The following MACROD2 variants were observed in gnomAD, a reference collection of about 807,000 sequenced individuals.
MACROD2 encodes the protein mono-ADP ribosylhydrolase 2.
MACROD2 carries 36 observed loss-of-function variants against 70.4 expected under a neutral mutation model. That is an observed-to-expected ratio of 0.51 (90% confidence interval 0.39 to 0.68). MACROD2 has a LOEUF of 0.68. Among genes scored for constraint, MACROD2 ranks in the 30% least tolerant of loss-of-function variants. MACROD2 has a pLI of 0.00. For missense variants in MACROD2, 496 were observed against 538.4 expected (o/e 0.92, Z 0.78); for synonymous variants, 172 against 178.8 (o/e 0.96, Z 0.30).
chr20:15,460,504 C>A (rs6043294), intron 7 of MACROD2, among the ~76,000 whole-genome samples: 14,876 of 152,142 alleles, frequency 0.098, 825 homozygotes, highest in Non-Finnish European at 0.13. Context: ...AACAGTGCTC[C>A]TTCCTCAGTG....
intron 4 of MACROD2, among the ~76,000 whole-genome samples, chr20:14,601,387 G>A (rs1043974471): frequency 3.9e-5 from 6 of 152,134 alleles, no homozygotes; most frequent in African/African-American, 1.4e-4. Context: ...GACAGGAGGC[G>A]GTGCTCAGGT....
intron 8 of MACROD2, among the ~76,000 whole-genome samples, chr20:15,641,130 G>C (rs1170997898): frequency 3.9e-5 from 6 of 152,216 alleles, no homozygotes; most frequent in African/African-American, 1.4e-4. Flanking sequence ...CTTGCAGAGG[G>C]CTCTTTCTTA....
chr20:15,603,289 A>G (rs1406945187), intron 8 of MACROD2, among the ~76,000 whole-genome samples: 2 of 152,062 alleles, frequency 1.3e-5, no homozygotes. Context: ...CTTTGAGGTC[A>G]GGAGTTCGAG....
chr20:15,970,102 A>G (rs2066207382), intron 13 of MACROD2, among the ~76,000 whole-genome samples: 4 of 152,130 alleles, frequency 2.6e-5, no homozygotes, highest in Admixed American at 2.6e-4. Flanking sequence ...ATAGCTGTGA[A>G]CCAAGAATTC....
chr20:15,137,596 T>C (rs2076159533), intron 5 of MACROD2, among the ~76,000 whole-genome samples: 1 of 147,548 alleles, frequency 6.8e-6, no homozygotes, highest in African/African-American at 2.5e-5. Context: ...CATTAGGAGA[T>C]ATACCTAATG....
intron 6 of MACROD2, among the ~76,000 whole-genome samples, chr20:15,302,643 A>T (rs764500754): frequency 2.0e-5 from 3 of 152,246 alleles, no homozygotes; most frequent in Non-Finnish European, 4.4e-5. Flanking sequence ...ATAAATCCCC[A>T]GTTGGGGGAT....
intron 8 of MACROD2, among the ~76,000 whole-genome samples, chr20:15,743,380 C>G (rs1327843790): frequency 6.6e-6 from 1 of 152,098 alleles, no homozygotes; most frequent in African/African-American, 2.4e-5. Context: ...GGAAGTGATA[C>G]AAGTAGACAT....
chr20:14,326,265 AGTAATT>A lies in MACROD2; in HGVS notation c.272-167205_272-167200del, dbSNP rs778374335. 2.5e-6 allele frequency: 4 copies of A among 1,613,956 alleles called. No individual in the cohort carries two copies. The Admixed American group carries it at 6.7e-5, about 27-fold the overall frequency. ...TGGTATCAGAGGTGACAGACTTCAC[AGTAATT>A]GTAATTGTTTTTCTTGAGGGACTCC... On this transcript the variant is annotated intron_variant, in intron 3 of 17. Transcript: ENST00000684519. This position sits in a 1 kb window ranked among gnomAD's most constrained non-coding sequence, Gnocchi z 5.5.
chr20:15,796,091 C>CT (rs1171690892), intron 8 of MACROD2, among the ~76,000 whole-genome samples: 1 of 152,014 alleles, frequency 6.6e-6, no homozygotes, highest in African/African-American at 2.4e-5. Flanking sequence ...CCTCTGGAGA[C>CT]TGAAAGGGAA....
intron 8 of MACROD2, among the ~76,000 whole-genome samples, chr20:15,829,695 C>G (rs2064033789): frequency 6.6e-6 from 1 of 152,084 alleles, no homozygotes; most frequent in African/African-American, 2.4e-5. Flanking sequence ...ATATGAAGTG[C>G]CAGAGACACA....
At chr20:14,000,012 C>G (rs934019722) in intron 1 of MACROD2, among the ~76,000 whole-genome samples, 1 of 151,074 alleles carries the variant, frequency 6.6e-6, no homozygotes, top group African/African-American at 2.4e-5. Context: ...GACTCTGTCT[C>G]AAGAAAAAAA....
chr20:14,135,641 ACT>A (rs1569174222), intron 3 of MACROD2, among the ~76,000 whole-genome samples: 1 of 152,058 alleles, frequency 6.6e-6, no homozygotes, highest in Admixed American at 6.6e-5. Context: ...GCATCACTAC[ACT>A]CCAGCTTGGG....
intron 4 of MACROD2, among the ~76,000 whole-genome samples, chr20:14,666,538 C>T (rs1222159439): frequency 6.6e-6 from 1 of 152,014 alleles, no homozygotes; most frequent in Non-Finnish European, 1.5e-5. Flanking sequence ...TGTTTCCAGA[C>T]ATTGCTTCAT....
chr20:14,960,084 C>T (rs1414771212), intron 5 of MACROD2, among the ~76,000 whole-genome samples: 1 of 152,152 alleles, frequency 6.6e-6, no homozygotes, highest in African/African-American at 2.4e-5. Flanking sequence ...CAGAAGGGGT[C>T]AAAACTCAAG....
At chr20:14,020,616 T>C (rs1288270481) in intron 2 of MACROD2, among the ~76,000 whole-genome samples, 1 of 152,254 alleles carries the variant, frequency 6.6e-6, no homozygotes, top group African/African-American at 2.4e-5. Context: ...ACTCTGGGAA[T>C]CAGATTTCTC....
chr20:14,540,986 G>C (rs1167403503), intron 4 of MACROD2, among the ~76,000 whole-genome samples: 1 of 152,166 alleles, frequency 6.6e-6, no homozygotes, highest in African/African-American at 2.4e-5. Context: ...AATATCTAGT[G>C]CTTATGAATT....
chr20:14,326,555 C>A lies in MACROD2; in HGVS notation c.272-166924C>A, dbSNP rs375651610. Reference sequence around the variant, plus strand: ...TTCACAGGTAGTGATTGTAACCAGTCACGTACCCATTTCATCTTGCACCCG... The same window carrying A: ...TTCACAGGTAGTGATTGTAACCAGTAACGTACCCATTTCATCTTGCACCCG... On this transcript the variant is annotated intron_variant, in intron 3 of 17. Coordinates refer to ENST00000684519, the MANE Select transcript of MACROD2 (RefSeq NM_001351661.2). The surrounding 1 kb of genome is among the most constrained non-coding windows in gnomAD (Gnocchi z 5.5). The A allele has an allele frequency of 6.2e-7, 1 of 1,613,792 alleles. No individual in the cohort carries two copies. Among genetic ancestry groups the A allele is most frequent in the African/African-American group, 1.3e-5 (1 of 74,898 alleles).
At chr20:15,686,400 T>A (rs1436507339) in intron 8 of MACROD2, among the ~76,000 whole-genome samples, 1 of 152,112 alleles carries the variant, frequency 6.6e-6, no homozygotes, top group Non-Finnish European at 1.5e-5. Context: ...CAGGGGCTAC[T>A]TGGGGAAGGG....
At chr20:14,865,076 A>C (rs923346582) in intron 5 of MACROD2, among the ~76,000 whole-genome samples, 1 of 151,868 alleles carries the variant, frequency 6.6e-6, no homozygotes, top group Admixed American at 6.6e-5. Context: ...TCTTTCCCCT[A>C]CTATGCTGTA....
Sources: gnomAD v4.1 joint callset for allele counts (sites outside exome capture counted in the v4.1 genomes callset) on GRCh38, gnomAD v4.1.1 for gene constraint, Gnocchi (gnomAD v3.1) non-coding constraint, MANE v1.5 for transcripts, NCBI Gene and HGNC (gene_info 2026-07-23, HGNC 2026-07-21) for gene names.